Variants in MYLK4 observed in about 807,000 individuals in gnomAD.
MYLK4 encodes caMLCK like.
Under a neutral mutation model 48.1 loss-of-function variants are expected in MYLK4, and 46 were observed. The ratio of observed to expected loss-of-function variants is 0.96; its 90% CI spans 0.75 to 1.22. The LOEUF (loss-of-function observed/expected upper bound fraction) is 1.22, where lower values mean the gene tolerates loss of function less well. MYLK4 is among the 50% of genes most tolerant of loss of function. The probability of loss-of-function intolerance (pLI) is 0.00; values close to 1 mark genes in which losing one functional copy is unlikely to be tolerated. For missense variants in MYLK4, 451 were observed against 486.1 expected (o/e 0.93, Z 0.68); for synonymous variants, 170 against 180.8 (o/e 0.94, Z 0.48).
the MYLK4 span, among the ~76,000 whole-genome samples, chr6:2,758,357 C>G: frequency 6.7e-6 from 1 of 150,294 alleles, no homozygotes; most frequent in African/African-American, 2.5e-5. Context: ...ATATATATTA[C>G]ATATGTATAT....
chr6:2,741,612 C>A (rs1280243158), intron 2 of MYLK4, among the ~76,000 whole-genome samples: 1 of 152,136 alleles, frequency 6.6e-6, no homozygotes, highest in Admixed American at 6.6e-5. Flanking sequence ...TTCACTGATA[C>A]CTCTAGAAAA....
chr6:2,700,209 C>G (rs911651331), intron 2 of MYLK4, among the ~76,000 whole-genome samples: 19 of 152,150 alleles, frequency 1.2e-4, no homozygotes, highest in Admixed American at 7.9e-4. Flanking sequence ...CCCTGCCGCC[C>G]CACCACCCCA....
chr6:2,746,412 C>T (rs1764096107), intron 2 of MYLK4, among the ~76,000 whole-genome samples: 2 of 151,986 alleles, frequency 1.3e-5, no homozygotes, highest in Non-Finnish European at 2.9e-5. Flanking sequence ...AAAATGAATT[C>T]AGTAGAAGAA....
the MYLK4 span, chr6:2,765,693 A>G: frequency 1.3e-6 from 2 of 1,549,956 alleles, no homozygotes; most frequent in Non-Finnish European, 1.7e-6. Flanking sequence ...CCCGTGTGCC[A>G]GCAGATGATG....
At chr6:2,766,135 C>T in the MYLK4 span, 7 of 1,239,988 alleles carry the variant, frequency 5.6e-6, no homozygotes, top group Non-Finnish European at 7.2e-6. Flanking sequence ...CCGTGGGCGA[C>T]GGCGATGGCG....
At chr6:2,765,185 C>T in the MYLK4 span, among the ~76,000 whole-genome samples, 1 of 101,758 alleles carries the variant, frequency 9.8e-6, no homozygotes, top group East Asian at 3.0e-4. Context: ...CCTCGCAACC[C>T]CCCCCCCCGC....
At chr6:2,768,543 A>AT in the MYLK4 span, 3 of 508,316 alleles carry the variant, frequency 5.9e-6, no homozygotes, top group Admixed American at 4.0e-5. Flanking sequence ...GTCCTGTGGT[A>AT]TTTTTGATTG....
chr6:2,667,535 T>A lies in MYLK4; in HGVS notation c.*390A>T, dbSNP rs974636477. The A allele has an allele frequency of 1.3e-5, 2 of 152,474 alleles. No individual in the cohort carries two copies. Among genetic ancestry groups the A allele is most frequent in the Non-Finnish European group, 2.9e-5 (2 of 68,042 alleles). 9.4% of individuals were successfully genotyped at this position (152,474 alleles called of 1,614,324 possible). A position where few individuals can be genotyped will look rare whatever the true frequency, so the allele number is the denominator to read the frequency against. On this transcript the variant is annotated 3_prime_UTR_variant, in exon 13 of 13. Coordinates refer to ENST00000274643, the MANE Select transcript of MYLK4 (RefSeq NM_001012418.5). ...TCCCTCTAAATGCATCCTCCAGTTT[T>A]AAAATCTCCAATCAATCTTAAGTGT...
intron 2 of MYLK4, among the ~76,000 whole-genome samples, chr6:2,717,921 C>T (rs1762926348): frequency 6.6e-6 from 1 of 152,168 alleles, no homozygotes; most frequent in East Asian, 1.9e-4. Flanking sequence ...TGGCTCATGC[C>T]TGTAATCCCA....
the MYLK4 span, among the ~76,000 whole-genome samples, chr6:2,769,572 C>T: frequency 6.6e-6 from 1 of 151,832 alleles, no homozygotes; most frequent in Non-Finnish European, 1.5e-5. Context: ...TTTTTTGAAC[C>T]TTTTTGAATA....
intron 2 of MYLK4, among the ~76,000 whole-genome samples, chr6:2,696,415 G>A (rs1461114706): frequency 3.9e-5 from 6 of 152,154 alleles, no homozygotes; most frequent in Non-Finnish European, 5.9e-5. Context: ...TAGGGCCTTC[G>A]AAGGTGACTA....
intron 3 of MYLK4, among the ~76,000 whole-genome samples, 154 bp downstream of exon 3, chr6:2,692,629 CA>C (rs75767685): frequency 0.072 from 2,775 of 38,294 alleles, 46 homozygotes; most frequent in Non-Finnish European, 0.081. Context: ...CAAACACAAG[CA>C]AAAAAAAAAA....
At chr6:2,718,179 C>CAAAAAAA (rs10590230) in intron 2 of MYLK4, among the ~76,000 whole-genome samples, 31 of 133,290 alleles carry the variant, frequency 2.3e-4, no homozygotes, top group African/African-American at 7.8e-4. Context: ...AACTCTGTCT[C>CAAAAAAA]AAAAAAAAAA....
chr6:2,673,599 T>C lies in MYLK4; in HGVS notation c.1119+1448A>G, dbSNP rs1206269102. ...CCAGCCACCCTAACTGATAGGTACA[T>C]CAGACAGGTCCTGGTGGGCCCAAAG... On this transcript the variant is annotated intron_variant, in intron 11 of 12. Transcript: ENST00000274643. This position sits in a 1 kb window ranked among gnomAD's most constrained non-coding sequence, Gnocchi z 4.2. Among the ~76,000 whole-genome samples, 3 of 152,190 alleles carry C rather than the reference T, an allele frequency of 2.0e-5. No homozygotes were observed. Among genetic ancestry groups the C allele is most frequent in the Non-Finnish European group, 2.9e-5 (2 of 68,038 alleles).
chr6:2,747,003 C>T (rs976121827), intron 2 of MYLK4, among the ~76,000 whole-genome samples: 9 of 152,182 alleles, frequency 5.9e-5, no homozygotes, highest in Admixed American at 1.3e-4. Flanking sequence ...TCCACGTGGA[C>T]GGAGAGAGAC....
At chr6:2,721,088 G>A (rs1763053198) in intron 2 of MYLK4, among the ~76,000 whole-genome samples, 1 of 152,126 alleles carries the variant, frequency 6.6e-6, no homozygotes. Context: ...TTGAACTTGG[G>A]GGGCAGAGGT....
At chr6:2,740,476 C>T (rs1044883364) in intron 2 of MYLK4, among the ~76,000 whole-genome samples, 16 of 152,188 alleles carry the variant, frequency 1.1e-4, no homozygotes, top group Non-Finnish European at 2.2e-4. Context: ...AGATGGCGCC[C>T]GGGGAATCAG....
chr6:2,705,877 A>C (rs1370253161), intron 2 of MYLK4, among the ~76,000 whole-genome samples: 2 of 151,602 alleles, frequency 1.3e-5, no homozygotes, highest in African/African-American at 4.9e-5. Flanking sequence ...AGACAAAGAA[A>C]GGGAAAATTT....
intron 2 of MYLK4, among the ~76,000 whole-genome samples, chr6:2,711,533 A>G (rs1357126806): frequency 6.6e-6 from 1 of 152,212 alleles, no homozygotes; most frequent in African/African-American, 2.4e-5. Context: ...AATGGGGGGA[A>G]GATGCTCCTT....
Sources: gnomAD v4.1 joint callset for allele counts (sites outside exome capture counted in the v4.1 genomes callset) on GRCh38, gnomAD v4.1.1 for gene constraint, Gnocchi (gnomAD v3.1) non-coding constraint, MANE v1.5 for transcripts, NCBI Gene and HGNC (gene_info 2026-07-23, HGNC 2026-07-21) for gene names.